Variants in NAA16 observed in about 807,000 individuals in gnomAD.
NAA16 encodes NARG1-like protein.
In NAA16, 97 loss-of-function variants were observed where a neutral mutation model predicts 110.3. That is an observed-to-expected ratio of 0.88 (90% CI 0.75 to 1.04). The LOEUF is 1.04. Ranked by LOEUF, NAA16 falls within the 50% of genes least tolerant of loss-of-function variation. The pLI is 0.00. For missense variants in NAA16, 1,017 were observed against 1,005.1 expected (o/e 1.01, Z -0.16); for synonymous variants, 372 against 330.6 (o/e 1.13, Z -1.36).
chr13:41,358,787 G>T, intron 11 of NAA16, 23 bp from the exon 12 acceptor site: 1 of 1,542,098 alleles, frequency 6.5e-7, no homozygotes, highest in Non-Finnish European at 8.7e-7. Context: ...ATAAATTGTG[G>T]TTCCTTTAAT....
At chr13:41,314,940 A>G (rs886944778) in intron 1 of NAA16, among the ~76,000 whole-genome samples, 9 of 152,212 alleles carry the variant, frequency 5.9e-5, no homozygotes, top group Non-Finnish European at 8.8e-5. Flanking sequence ...GTTTGAGGTT[A>G]TGGTGATTGT....
intron 3 of NAA16, 112 bp from the exon 4 acceptor site, chr13:41,320,555 T>C (rs1469358872): frequency 5.6e-6 from 6 of 1,066,618 alleles, no homozygotes; most frequent in Admixed American, 3.0e-5. Flanking sequence ...CTCCAGATCA[T>C]TCTGAACAAA....
chr13:41,374,891 C>A, intron 19 of NAA16, 52 bp downstream of exon 19: 1 of 1,080,062 alleles, frequency 9.3e-7, no homozygotes, highest in Non-Finnish European at 1.4e-6. Flanking sequence ...TCTAACAAAA[C>A]GTGTCTTTAC....
At chr13:41,328,938 C>A in intron 7 of NAA16, 95 bp downstream of exon 7, 1 of 1,036,800 alleles carries the variant, frequency 9.6e-7, no homozygotes, top group Non-Finnish European at 1.4e-6. Context: ...ATAATTTTAG[C>A]ATTAGTACTC....
At chr13:41,337,574 A>G (rs2042415915) in intron 9 of NAA16, among the ~76,000 whole-genome samples, 1 of 151,720 alleles carries the variant, frequency 6.6e-6, no homozygotes, top group Non-Finnish European at 1.5e-5. Context: ...GAAAATAGGC[A>G]CTTAAATCTT....
intron 9 of NAA16, among the ~76,000 whole-genome samples, chr13:41,338,519 A>T (rs9532792): frequency 0.95 from 144,236 of 152,258 alleles, 68,389 homozygotes; most frequent in South Asian, 0.99. Flanking sequence ...GGAATGCTAT[A>T]TTATTAGAAA....
intron 12 of NAA16, among the ~76,000 whole-genome samples, chr13:41,361,685 A>G (rs368707824): frequency 1.3e-5 from 2 of 152,206 alleles, no homozygotes; most frequent in South Asian, 2.1e-4. Context: ...TGTACTAGAC[A>G]AAGGGATGAT....
chr13:41,367,945 C>T (rs940877848), intron 14 of NAA16, among the ~76,000 whole-genome samples: 1 of 152,158 alleles, frequency 6.6e-6, no homozygotes, highest in Non-Finnish European at 1.5e-5. Context: ...CGCCTGTAAT[C>T]ACAGCATTTT....
chr13:41,373,304 C>G, intron 17 of NAA16: 1 of 592,732 alleles, frequency 1.7e-6, no homozygotes, highest in Non-Finnish European at 2.1e-6. Flanking sequence ...GTTGTCTAGG[C>G]TGGAGTGCAG....
chr13:41,340,178 A>G (rs2042498092), intron 9 of NAA16, among the ~76,000 whole-genome samples: 1 of 152,138 alleles, frequency 6.6e-6, no homozygotes, highest in South Asian at 2.1e-4. Context: ...CTGAGATGAT[A>G]TACATTTGCT....
intron 9 of NAA16, among the ~76,000 whole-genome samples, chr13:41,348,978 C>T (rs1417301404): frequency 1.3e-5 from 2 of 152,122 alleles, no homozygotes. Context: ...AATATCCCCT[C>T]TTACTGTTTT....
chr13:41,367,971 G>A (rs1370004470), intron 14 of NAA16, among the ~76,000 whole-genome samples: 2 of 152,172 alleles, frequency 1.3e-5, no homozygotes, highest in African/African-American at 4.8e-5. Flanking sequence ...GCCAAGGCAG[G>A]CAGATCATTT....
chr13:41,369,135 G>C lies in NAA16; in HGVS notation c.1799G>C (p.Arg600Thr). Residue 600 changes from arginine (R) to threonine (T), a missense_variant, in exon 15 of 20, where the codon AGA (arginine) becomes ACA (threonine). Transcript: ENST00000379406. ...KELKKMLSKQ[R>T]RAQKKAKLEE... Reference sequence around the variant, plus strand: ...TTGAAGAAAATGCTTAGCAAGCAGAGAAGAGCTCAGAAAAAGGCTAAACTA... The same window carrying C: ...TTGAAGAAAATGCTTAGCAAGCAGACAAGAGCTCAGAAAAAGGCTAAACTA... 1 of 1,584,216 alleles carries C rather than the reference G, an allele frequency of 6.3e-7. No homozygotes were observed. The highest frequency in any genetic ancestry group is 8.5e-7 in the Non-Finnish European group (1 of 1,172,068).
chr13:41,356,307 G>C (rs1238721375), intron 10 of NAA16, among the ~76,000 whole-genome samples: 2 of 152,210 alleles, frequency 1.3e-5, no homozygotes, highest in Admixed American at 1.3e-4. Context: ...GATTACAGGT[G>C]TGAGCTGCCA....
intron 9 of NAA16, among the ~76,000 whole-genome samples, chr13:41,349,222 A>G (rs560561269): frequency 8.6e-5 from 13 of 151,294 alleles, no homozygotes; most frequent in Non-Finnish European, 1.5e-4. Context: ...GTCTTGCTCT[A>G]TCACCCAGGC....
intron 1 of NAA16, among the ~76,000 whole-genome samples, chr13:41,315,895 A>G (rs2041796673): frequency 6.6e-6 from 1 of 151,746 alleles, no homozygotes; most frequent in Non-Finnish European, 1.5e-5. Context: ...TCAGCCTCCC[A>G]AGCAGTTAGG....
Position 41,320,813 on chromosome 13 carries a change from G to A in NAA16, c.391G>A (p.Glu131Lys). ...GTTGCAGATCCAAATGAGAGACCTT[G>A]AAGGTTACCGAGTAAGTACTTCATT... ...SLLQIQMRDLEGYRETRYQLL... is the reference protein window; with the variant it reads ...SLLQIQMRDLKGYRETRYQLL... Residue 131 changes from glutamate (E) to lysine (K), a missense_variant, in exon 4 of 20, where the codon GAA becomes AAA. By Grantham distance (56) the Glu-to-Lys change is moderately conservative. Coordinates refer to ENST00000379406, the MANE Select transcript of NAA16 (RefSeq NM_024561.5). 1 of 1,603,124 alleles carries A rather than the reference G, an allele frequency of 6.2e-7. No individual in the cohort carries two copies. The highest frequency in any genetic ancestry group is 1.1e-5 in the South Asian group (1 of 88,818).
In NAA16 at chr13:41,311,405, T is replaced by C; in HGVS notation, c.-124T>C. ...CTGCCCAATTGCAACTGTAGACCAA[T>C]GAACTAATCCATCGCCCGCAGCCCG... On this transcript the variant is annotated 5_prime_UTR_variant, in exon 1 of 20. An upstream start codon of the reference 5' UTR is lost. Transcript: ENST00000379406. 2 of 906,978 alleles carry C rather than the reference T, an allele frequency of 2.2e-6. No individual in the cohort carries two copies. The highest frequency in any genetic ancestry group is 1.6e-5 in the South Asian group (1 of 63,880). The allele number at this position is 906,978 out of a possible 1,614,324, so 56.2% of individuals were successfully genotyped here.
In NAA16 at chr13:41,349,956, G is replaced by A. The variant is rs537591504; in HGVS notation, c.1015-5188G>A. Among the ~76,000 whole-genome samples, 277 of 55,200 alleles carry A rather than the reference G, an allele frequency of 5.0e-3. 2 individuals carry two copies. The highest frequency in any genetic ancestry group is 0.013 in the Middle Eastern group (2 of 154). 36.2% of individuals were successfully genotyped at this position (55,200 alleles called of 152,430 possible). ...AGCCTGGGTGACAGAGCGAGACTCC[G>A]TCTCAAAAAAAAAAAAAAAAGTCAA... On this transcript the variant is annotated intron_variant, in intron 9 of 19. Coordinates refer to ENST00000379406, the MANE Select transcript of NAA16 (RefSeq NM_024561.5).
Sources: allele counts gnomAD v4.1 joint callset (sites outside exome capture counted in the v4.1 genomes callset), GRCh38; gene constraint gnomAD v4.1.1; transcripts MANE v1.5; gene names NCBI Gene and HGNC (gene_info 2026-07-23, HGNC 2026-07-21).